Variants in OXSR1 observed in about 807,000 individuals in gnomAD.
The protein encoded by OXSR1 is serine/threonine-protein kinase OSR1.
OXSR1 carries 24 observed loss-of-function variants against 79.8 expected under a neutral mutation model. The observed-to-expected ratio is 0.30, with a 90% CI of 0.22 to 0.42. OXSR1 has a LOEUF of 0.42. Ranked by LOEUF, OXSR1 falls within the 10% of genes least tolerant of loss-of-function variation. The pLI is 1.00. For missense variants in OXSR1, 430 were observed against 618.4 expected (o/e 0.70, Z 3.23); for synonymous variants, 226 against 209.2 (o/e 1.08, Z -0.69).
chr3:38,246,619 G>C (rs1046536530), intron 13 of OXSR1, among the ~76,000 whole-genome samples: 2 of 152,118 alleles, frequency 1.3e-5, no homozygotes, highest in African/African-American at 4.8e-5. Context: ...TTTGTTTTCT[G>C]TGGTTTTTCT....
At chr3:38,217,016 A>G (rs1702494338) in intron 5 of OXSR1, among the ~76,000 whole-genome samples, 1 of 152,194 alleles carries the variant, frequency 6.6e-6, no homozygotes, top group Non-Finnish European at 1.5e-5. Flanking sequence ...AGAGTAGAGA[A>G]GATATTTGCA....
intron 4 of OXSR1, among the ~76,000 whole-genome samples, chr3:38,210,806 T>A (rs1553635815): frequency 2.6e-5 from 4 of 152,198 alleles, no homozygotes; most frequent in Non-Finnish European, 5.9e-5. Context: ...TTTTCAGACT[T>A]TTTTCCTGTT....
At chr3:38,205,360 T>C (rs1702247082) in intron 4 of OXSR1, among the ~76,000 whole-genome samples, 1 of 152,216 alleles carries the variant, frequency 6.6e-6, no homozygotes, top group Non-Finnish European at 1.5e-5. Context: ...TTGGCTATCT[T>C]CCATTGGATC....
intron 4 of OXSR1, among the ~76,000 whole-genome samples, chr3:38,200,037 C>G (rs572957849): frequency 6.6e-6 from 1 of 152,172 alleles, no homozygotes; most frequent in East Asian, 1.9e-4. Flanking sequence ...CTAAGAGATG[C>G]CAGCTGTGCT....
chr3:38,252,847 G>C lies in OXSR1; in HGVS notation c.1540G>C (p.Asp514His). ...TGGTGTCGAAGGCTCAGATATTCCT[G>C]ATGATGGTAAACTGATAGGATTTGC... ...ASGVEGSDIPDDGKLIGFAQL... is the reference protein window; with the variant it reads ...ASGVEGSDIPHDGKLIGFAQL... Residue 514 changes from aspartate to histidine, a missense_variant, in exon 18 of 18, where the codon GAT becomes CAT. Around this residue, in one of 3 missense-constraint regions of OXSR1, gnomAD observed 276 missense variants for 354.2 expected, o/e 0.78. Coordinates refer to ENST00000311806, the MANE Select transcript of OXSR1 (RefSeq NM_005109.3). 1.2e-6 allele frequency: 2 copies of C among 1,613,690 alleles called. No individual in the cohort carries two copies. The highest frequency in any genetic ancestry group is 1.6e-4 in the Middle Eastern group (1 of 6,062).
At chr3:38,207,818 G>A (rs2125826141) in intron 4 of OXSR1, among the ~76,000 whole-genome samples, 1 of 152,070 alleles carries the variant, frequency 6.6e-6, no homozygotes, top group East Asian at 1.9e-4. Context: ...CTTTCTTCGG[G>A]ATGGTCATGT....
chr3:38,186,711 T>A (rs1575318397), intron 2 of OXSR1, among the ~76,000 whole-genome samples: 2 of 152,204 alleles, frequency 1.3e-5, no homozygotes, highest in African/African-American at 2.4e-5. Context: ...TTTCATCAGT[T>A]GTTGGGCATT....
rs981853918 is a variant in OXSR1, at chr3:38,217,548, G to C, written c.490+1397G>C. 5.9e-5 allele frequency among the ~76,000 whole-genome samples: 9 copies of C among 151,818 alleles called. No homozygotes were observed. The East Asian group carries it at 1.5e-3, about 26-fold the overall frequency. On this transcript the variant is annotated intron_variant, in intron 5 of 17. Transcript: ENST00000311806. ...GTTTGTTTGTTTGTTTGTTTTTTTT[G>C]AGACAGTCTCGCTCTGTTGCCCAGG... is the stretch of plus-strand genomic sequence containing the variant.
chr3:38,210,185 A>G, intron 4 of OXSR1, among the ~76,000 whole-genome samples: 1 of 151,834 alleles, frequency 6.6e-6, no homozygotes, highest in Non-Finnish European at 1.5e-5. Flanking sequence ...TCTGACATCT[A>G]TCAATATTTT....
chr3:38,223,227 C>T (rs891926642), intron 6 of OXSR1, among the ~76,000 whole-genome samples: 4 of 152,076 alleles, frequency 2.6e-5, no homozygotes, highest in African/African-American at 7.2e-5. Flanking sequence ...CCTTGAACTC[C>T]TGGGCTCAAG....
At chr3:38,178,620 A>ATATTTTTTTTTTTTTTTTTTTTT (rs1265646743) in intron 1 of OXSR1, among the ~76,000 whole-genome samples, 2 of 95,126 alleles carry the variant, frequency 2.1e-5, no homozygotes, top group East Asian at 3.2e-4. Flanking sequence ...ATATATATAT[A>ATATTTTTTTTTTTTTTTTTTTTT]TTTTTTTTTT....
At chr3:38,240,580 C>T (rs1336247448) in intron 11 of OXSR1, among the ~76,000 whole-genome samples, 2 of 152,072 alleles carry the variant, frequency 1.3e-5, no homozygotes, top group Non-Finnish European at 1.5e-5. Context: ...GTCTCTAATA[C>T]CATTCCCCAC....
At chr3:38,206,248 C>T (rs1559511749) in intron 4 of OXSR1, among the ~76,000 whole-genome samples, 2 of 152,120 alleles carry the variant, frequency 1.3e-5, no homozygotes, top group African/African-American at 4.8e-5. Flanking sequence ...TAGAGTTTTT[C>T]AGTGGCTTAT....
At chr3:38,218,222 A>G (rs973344658) in intron 5 of OXSR1, among the ~76,000 whole-genome samples, 9 of 152,136 alleles carry the variant, frequency 5.9e-5, no homozygotes, top group African/African-American at 2.2e-4. Context: ...ACCATTTTAC[A>G]TTCCCACCAA....
intron 1 of OXSR1, among the ~76,000 whole-genome samples, chr3:38,171,837 A>G (rs971855795): frequency 3.9e-5 from 6 of 152,198 alleles, no homozygotes; most frequent in Admixed American, 6.5e-5. Context: ...AGCATGTGTT[A>G]TACTGTATTT....
intron 3 of OXSR1, 114 bp from the exon 4 acceptor site, chr3:38,198,608 A>T: frequency 1.5e-6 from 1 of 678,286 alleles, no homozygotes; most frequent in Non-Finnish European, 2.3e-6. Context: ...TGTTTTTTTC[A>T]TTTCTGCACA....
chr3:38,221,095 G>A (rs1305433582), intron 5 of OXSR1, among the ~76,000 whole-genome samples: 1 of 152,154 alleles, frequency 6.6e-6, no homozygotes, highest in Non-Finnish European at 1.5e-5. Flanking sequence ...AGCTAAAAAG[G>A]TTGGATTTCA....
rs536564959 is a variant in OXSR1, at chr3:38,252,966, C to T, written c.*75C>T. On this transcript the variant is annotated 3_prime_UTR_variant, in exon 18 of 18. Coordinates refer to ENST00000311806, the MANE Select transcript of OXSR1 (RefSeq NM_005109.3). The stretch of plus-strand genomic sequence containing the variant: ...TCTGTTGCTTCTATTGGCCTAAACC[C>T]ACTACTGCCAAAGAACCCAGCAACA... 5 of 1,203,748 alleles carry T rather than the reference C, an allele frequency of 4.2e-6. No individual in the cohort carries two copies. In the African/African-American group the frequency reaches 7.5e-5, roughly 18 times the overall value. The allele number at this position is 1,203,748 out of a possible 1,614,324, so 74.6% of individuals were successfully genotyped here.
intron 10 of OXSR1, among the ~76,000 whole-genome samples, chr3:38,234,123 A>G (rs1183345805): frequency 2.0e-5 from 3 of 152,206 alleles, no homozygotes; most frequent in Non-Finnish European, 4.4e-5. Flanking sequence ...TGACCTAAAT[A>G]TAAGAGCTAA....
Sources: allele counts gnomAD v4.1 joint callset (sites outside exome capture counted in the v4.1 genomes callset), GRCh38; gene constraint gnomAD v4.1.1; regional missense constraint gnomAD v4.1.1; transcripts MANE v1.5; gene names NCBI Gene and HGNC (gene_info 2026-07-23, HGNC 2026-07-21).